The following SLC22A14 variants were observed in gnomAD, a reference collection of about 807,000 sequenced individuals.
The protein encoded by SLC22A14 is solute carrier family 22 member 14, also known as organic cation transporter-like 4.
In SLC22A14, 50 loss-of-function variants were observed where a neutral mutation model predicts 53.9. The observed-to-expected ratio is 0.93, with a 90% CI of 0.74 to 1.17. The LOEUF (loss-of-function observed/expected upper bound fraction) is 1.17. Ranked by LOEUF, SLC22A14 falls within the 50% of genes most tolerant of loss-of-function variation. SLC22A14 has a pLI of 0.00. For synonymous variants in SLC22A14, 312 were observed against 303.0 expected, an observed-to-expected ratio of 1.03 and a Z score of -0.31; for missense variants, 671 against 734.7, an observed-to-expected ratio of 0.91 and a Z score of 1.00.
intron 1 of SLC22A14, among the ~76,000 whole-genome samples, chr3:38,292,361 A>G (rs1287585850): frequency 6.6e-6 from 1 of 152,214 alleles, no homozygotes; most frequent in Non-Finnish European, 1.5e-5. Flanking sequence ...GGCATCCTTA[A>G]GGTCCAGGAC....
Position 38,294,659 on chromosome 3 carries a change from G to A in SLC22A14, c.1-11368G>A, listed in dbSNP as rs529467359. Among the ~76,000 whole-genome samples, 19 of 152,098 alleles carry A rather than the reference G, an allele frequency of 1.2e-4. No individual in the cohort carries two copies. The South Asian group carries it at 1.7e-3, about 13-fold the overall frequency. ...TAGTGCTTATTCCTTTCCAGGGTGC[G>A]TAACCACCCATGGACCTCTGCTTAT... On this transcript the variant is annotated intron_variant, in intron 1 of 10. Transcript: ENST00000448498.
At chr3:38,280,688 G>A (rs1275415943), upstream of SLC22A14, among the ~76,000 whole-genome samples, 10 of 151,784 alleles carry the variant, frequency 6.6e-5, no homozygotes, top group Admixed American at 6.6e-4. Flanking sequence ...GAGTGCAGTG[G>A]TGCAATTCTC....
In SLC22A14 at chr3:38,313,771, G is replaced by C. The variant is rs375612275; in HGVS notation, c.1208G>C (p.Arg403Thr). The C allele has an allele frequency of 1.9e-6, 3 of 1,604,036 alleles. No individual in the cohort carries two copies. The highest frequency in any genetic ancestry group is 2.6e-6 in the Non-Finnish European group (3 of 1,175,068). ...TATTTTACGTTGAGCCTGAGAATGA[G>C]AGAGCTGGGCGTGAGCGTCCACTTC... Reference protein sequence around the residue: ...YTYFTLSLRMRELGVSVHFRH... With the variant: ...YTYFTLSLRMTELGVSVHFRH... Residue 403 changes from arginine (R) to threonine (T), a missense_variant, in exon 8 of 11, where the codon AGA (arginine) becomes ACA (threonine). Transcript: ENST00000448498.
chr3:38,291,764 C>T (rs568114978), intron 1 of SLC22A14, among the ~76,000 whole-genome samples: 21 of 152,306 alleles, frequency 1.4e-4, no homozygotes, highest in African/African-American at 5.1e-4. Context: ...GGGTTAGGGC[C>T]TTCTTTAGGG....
chr3:38,313,627 C>T (rs1294962948), intron 7 of SLC22A14, 100 bp from the exon 8 acceptor site: 14 of 930,024 alleles, frequency 1.5e-5, no homozygotes, highest in South Asian at 5.6e-5. Flanking sequence ...TTCTCTCCTC[C>T]GTTCCTACCC....
intron 1 of SLC22A14, chr3:38,304,002 C>T (rs1395521520): frequency 6.6e-6 from 1 of 151,832 alleles, no homozygotes; most frequent in Non-Finnish European, 1.5e-5. Context: ...TCCTGGCCAA[C>T]ACGGTGAAAC....
At chr3:38,293,386 C>G (rs897252146) in intron 1 of SLC22A14, among the ~76,000 whole-genome samples, 4 of 152,152 alleles carry the variant, frequency 2.6e-5, no homozygotes, top group African/African-American at 2.4e-5. Flanking sequence ...CCCATTTGTC[C>G]CATTCCACCT....
chr3:38,291,308 G>T (rs986281231), intron 1 of SLC22A14, among the ~76,000 whole-genome samples: 7 of 152,312 alleles, frequency 4.6e-5, no homozygotes, highest in Admixed American at 2.6e-4. Context: ...AGCGGCGTAG[G>T]TTTGAGCAAT....
chr3:38,307,877 C>T lies in SLC22A14; in HGVS notation c.775+157C>T, dbSNP rs9853664. 3,694 of 759,658 alleles carry T rather than the reference C, an allele frequency of 4.9e-3. 86 individuals carry two copies. In the Admixed American group the frequency reaches 0.055, roughly 11 times the overall value. The allele number at this position is 759,658 out of a possible 1,614,324, so 47.1% of individuals were successfully genotyped here. On this transcript the variant is annotated intron_variant, in intron 4 of 10. Coordinates refer to ENST00000448498, the MANE Select transcript of SLC22A14 (RefSeq NM_001320033.2). This position sits in a 1 kb window ranked among gnomAD's most constrained non-coding sequence, Gnocchi z 4.4. Reference sequence around the variant, plus strand: ...AGAGGGCATGGCGGGGGTGTGGCAGCGTGGGCATCTGCTGGGATCCCACAG... The same window carrying T: ...AGAGGGCATGGCGGGGGTGTGGCAGTGTGGGCATCTGCTGGGATCCCACAG...
intron 1 of SLC22A14, among the ~76,000 whole-genome samples, chr3:38,304,280 C>T (rs1279292444): frequency 6.6e-6 from 1 of 152,010 alleles, no homozygotes; most frequent in African/African-American, 2.4e-5. Flanking sequence ...TTATTTTACC[C>T]TAGTTCTTGA....
In SLC22A14 at chr3:38,316,398, C is replaced by A. The variant is rs541777047; in HGVS notation, c.1607C>A (p.Thr536Asn). Residue 536 changes from threonine (T) to asparagine (N), a missense_variant, in exon 10 of 11, where the codon ACC becomes AAC. Physicochemically the swap from Thr to Asn is moderately conservative, Grantham distance 65. Coordinates refer to ENST00000448498, the MANE Select transcript of SLC22A14 (RefSeq NM_001320033.2). The part of the protein sequence containing the change: ...AILSLTIISQ[T>N]PSLLPIFLCC... ...TTGTCCCTGACAATCATCAGCCAGACCCCCTCCCTCCTGCCCATCTTTCTC... is the reference window on the plus strand; with the variant it reads ...TTGTCCCTGACAATCATCAGCCAGAACCCCTCCCTCCTGCCCATCTTTCTC... 4 of 1,614,150 alleles carry A rather than the reference C, an allele frequency of 2.5e-6. No homozygotes were observed. In the African/African-American group the frequency reaches 4.0e-5, roughly 16 times the overall value.
chr3:38,296,733 G>A (rs574755943), intron 1 of SLC22A14, among the ~76,000 whole-genome samples: 2 of 152,296 alleles, frequency 1.3e-5, no homozygotes, highest in South Asian at 4.1e-4. Context: ...GAAGCTGTGG[G>A]TCACAGAAGA....
intron 1 of SLC22A14, among the ~76,000 whole-genome samples, chr3:38,284,660 A>C (rs1369418529): frequency 6.6e-6 from 1 of 152,172 alleles, no homozygotes; most frequent in Non-Finnish European, 1.5e-5. Flanking sequence ...CCGTGAGACG[A>C]AGGACCAGAG....
chr3:38,291,095 C>T (rs576954116), intron 1 of SLC22A14, among the ~76,000 whole-genome samples: 39 of 152,204 alleles, frequency 2.6e-4, no homozygotes, highest in African/African-American at 8.2e-4. Flanking sequence ...TTTTCCTTCT[C>T]CTAATTTTAG....
chr3:38,292,777 C>T (rs535501809), intron 1 of SLC22A14, among the ~76,000 whole-genome samples: 3 of 152,160 alleles, frequency 2.0e-5, no homozygotes, highest in Non-Finnish European at 2.9e-5. Flanking sequence ...CTCCTATGTT[C>T]GGGTGTGTAA....
At chr3:38,304,206 G>A (rs889002323) in intron 1 of SLC22A14, among the ~76,000 whole-genome samples, 1 of 145,270 alleles carries the variant, frequency 6.9e-6, no homozygotes. Context: ...AAAAAAAAAA[G>A]TTCAATCAAA....
intron 1 of SLC22A14, among the ~76,000 whole-genome samples, chr3:38,297,621 C>T (rs1575409491): frequency 6.6e-6 from 1 of 152,102 alleles, no homozygotes; most frequent in South Asian, 2.1e-4. Flanking sequence ...CCCTTCCCCA[C>T]CCAGCCTTGT....
intron 1 of SLC22A14, among the ~76,000 whole-genome samples, chr3:38,288,683 A>C (rs181004807): frequency 2.9e-4 from 44 of 152,142 alleles, no homozygotes; most frequent in Non-Finnish European, 5.9e-5. Context: ...AATATTATAA[A>C]TGGTATCTTT....
chr3:38,282,573 G>A (rs1703695487), intron 1 of SLC22A14, among the ~76,000 whole-genome samples: 1 of 152,162 alleles, frequency 6.6e-6, no homozygotes, highest in South Asian at 2.1e-4. Context: ...TGCGGCAGGT[G>A]GAGTGCTCCT....
Sources: gnomAD v4.1 joint callset for allele counts (sites outside exome capture counted in the v4.1 genomes callset) on GRCh38, gnomAD v4.1.1 for gene constraint, Gnocchi (gnomAD v3.1) non-coding constraint, MANE v1.5 for transcripts, NCBI Gene and HGNC (gene_info 2026-07-23, HGNC 2026-07-21) for gene names.